CLSTN2: variants seen among roughly 807,000 people sequenced by gnomAD.
CLSTN2 encodes calsyntenin 2.
CLSTN2 carries 48 observed loss-of-function variants against 101.2 expected under a neutral mutation model. The ratio of observed to expected loss-of-function variants is 0.47; its 90% CI spans 0.38 to 0.60. The LOEUF is 0.60. CLSTN2 is among the 20% of genes least tolerant of loss of function. The probability of loss-of-function intolerance (pLI) is 0.00; values close to 1 mark genes in which losing one functional copy is unlikely to be tolerated. For missense variants in CLSTN2, 1,160 were observed against 1,238.2 expected (o/e 0.94, Z 0.95); for synonymous variants, 481 against 463.6 (o/e 1.04, Z -0.48).
At chr3:140,247,663 A>G (rs1345703735) in intron 2 of CLSTN2, among the ~76,000 whole-genome samples, 4 of 152,164 alleles carry the variant, frequency 2.6e-5, no homozygotes. Flanking sequence ...GAAGGGGGTC[A>G]CATTTGAGTG....
chr3:140,100,496 A>G (rs939269301), intron 1 of CLSTN2, among the ~76,000 whole-genome samples: 1 of 152,260 alleles, frequency 6.6e-6, no homozygotes, highest in African/African-American at 2.4e-5. Context: ...AACTCAAAAG[A>G]TACAAGGGAA....
At chr3:140,103,596 TCTCAG>T (rs1017080419) in intron 1 of CLSTN2, among the ~76,000 whole-genome samples, 35 of 152,340 alleles carry the variant, frequency 2.3e-4, no homozygotes, top group South Asian at 6.2e-4. Context: ...TTAGCTGTGA[TCTCAG>T]AATCCTAGTC....
intron 1 of CLSTN2, among the ~76,000 whole-genome samples, chr3:140,133,621 TG>T (rs1165015702): frequency 2.0e-5 from 3 of 152,030 alleles, no homozygotes; most frequent in African/African-American, 2.4e-5. Context: ...ATTGCAGAGG[TG>T]GGGGGGCCAG....
At chr3:140,063,563 A>C (rs2008246894) in intron 1 of CLSTN2, among the ~76,000 whole-genome samples, 1 of 152,222 alleles carries the variant, frequency 6.6e-6, no homozygotes, top group Admixed American at 6.5e-5. Context: ...AGGGAATACA[A>C]GAAGTGCATG....
At chr3:139,941,353 G>C (rs1268278850) in intron 1 of CLSTN2, among the ~76,000 whole-genome samples, 5 of 152,138 alleles carry the variant, frequency 3.3e-5, no homozygotes, top group Admixed American at 6.5e-5. Flanking sequence ...GTTAGAATGA[G>C]AGTTAGCCCT....
At chr3:140,515,250 C>A (rs942231697) in intron 8 of CLSTN2, among the ~76,000 whole-genome samples, 39 of 141,330 alleles carry the variant, frequency 2.8e-4, no homozygotes, top group Admixed American at 2.0e-4. Context: ...GAGCTTCTCT[C>A]TTCTTTTCTT....
chr3:140,230,939 G>T (rs1339600744), intron 2 of CLSTN2, among the ~76,000 whole-genome samples: 4 of 152,280 alleles, frequency 2.6e-5, no homozygotes, highest in Non-Finnish European at 4.4e-5. Context: ...CTCTCAGGAG[G>T]CTTCACTGGC....
intron 1 of CLSTN2, among the ~76,000 whole-genome samples, chr3:140,139,530 C>T (rs1338403509): frequency 3.3e-5 from 5 of 152,180 alleles, no homozygotes; most frequent in Non-Finnish European, 7.3e-5. Context: ...CTGCATCTCA[C>T]CTCTGCAGAG....
At chr3:140,360,427 A>G (rs1179366437) in intron 2 of CLSTN2, among the ~76,000 whole-genome samples, 1 of 152,266 alleles carries the variant, frequency 6.6e-6, no homozygotes, top group Non-Finnish European at 1.5e-5. Flanking sequence ...GACAGCAAGT[A>G]CCTGGGGAAA....
chr3:140,065,274 C>T (rs1186221733), intron 1 of CLSTN2, among the ~76,000 whole-genome samples: 2 of 152,194 alleles, frequency 1.3e-5, no homozygotes, highest in East Asian at 3.9e-4. Flanking sequence ...GATTTGGAGA[C>T]CAATCCACAG....
intron 4 of CLSTN2, 96 bp downstream of exon 4, chr3:140,404,862 T>G (rs1157984546): frequency 2.9e-6 from 3 of 1,043,836 alleles, no homozygotes; most frequent in Non-Finnish European, 4.4e-6. Context: ...GCTTGGCAAG[T>G]TATGCCTTTC....
chr3:140,059,373 G>T (rs565563828), intron 1 of CLSTN2, among the ~76,000 whole-genome samples: 3,137 of 152,326 alleles, frequency 0.021, 105 homozygotes, highest in African/African-American at 0.071. Flanking sequence ...ACACAAGAGG[G>T]ACTCCATAAA....
Position 140,524,045 on chromosome 3 carries a change from C to A in CLSTN2, c.1345-8279C>A, listed in dbSNP as rs349566. Among the ~76,000 whole-genome samples, 3 of 152,126 alleles carry A rather than the reference C, an allele frequency of 2.0e-5. No homozygotes were observed. The East Asian group carries it at 5.8e-4, about 29-fold the overall frequency. On this transcript the variant is annotated intron_variant, in intron 8 of 16. Transcript: ENST00000458420. ...AGGAATGAGGGGAGAATAGATAAGA[C>A]GAAAGCATTATCAGAACTGTGCAGT...
chr3:140,084,186 C>G (rs886669302), intron 1 of CLSTN2, among the ~76,000 whole-genome samples: 1 of 152,170 alleles, frequency 6.6e-6, no homozygotes, highest in African/African-American at 2.4e-5. Flanking sequence ...GCATGTACAT[C>G]TCCCGTGTGC....
At chr3:140,312,404 A>G (rs2087178918) in intron 2 of CLSTN2, among the ~76,000 whole-genome samples, 1 of 152,218 alleles carries the variant, frequency 6.6e-6, no homozygotes, top group African/African-American at 2.4e-5. Flanking sequence ...CATCTGAGGA[A>G]TCTTTTTTCT....
intron 2 of CLSTN2, among the ~76,000 whole-genome samples, chr3:140,257,562 GTGTGT>G (rs1559821185): frequency 0.091 from 5,653 of 61,792 alleles, 336 homozygotes; most frequent in African/African-American, 0.18. Flanking sequence ...CTTTCTAGGG[GTGTGT>G]GTGTGTGTGT....
At chr3:140,090,611 G>A (rs566381299) in intron 1 of CLSTN2, among the ~76,000 whole-genome samples, 29 of 152,274 alleles carry the variant, frequency 1.9e-4, no homozygotes, top group South Asian at 1.5e-3. Context: ...TTCTGGGAGC[G>A]TAAGTCCTGT....
intron 2 of CLSTN2, among the ~76,000 whole-genome samples, chr3:140,311,688 A>G (rs188384644): frequency 1.3e-5 from 2 of 152,206 alleles, no homozygotes; most frequent in East Asian, 3.9e-4. Flanking sequence ...TGACAACACC[A>G]TGAGATAAGT....
intron 2 of CLSTN2, among the ~76,000 whole-genome samples, chr3:140,229,606 A>G (rs2086353348): frequency 6.6e-6 from 1 of 151,844 alleles, no homozygotes. Context: ...GAGAGCTAAA[A>G]CCCATTCAGG....
Sources: gnomAD v4.1 joint callset for allele counts (sites outside exome capture counted in the v4.1 genomes callset) on GRCh38, gnomAD v4.1.1 for gene constraint, MANE v1.5 for transcripts, NCBI Gene and HGNC (gene_info 2026-07-23, HGNC 2026-07-21) for gene names.